PHYHD1: variants seen among roughly 807,000 people sequenced by gnomAD.
The protein encoded by PHYHD1 is phytanoyl-CoA dioxygenase domain containing 1, also known as phytanoyl-CoA dioxygenase domain-containing protein 1.
PHYHD1 carries 42 observed loss-of-function variants against 43.6 expected under a neutral mutation model. That is an observed-to-expected ratio of 0.96 (90% confidence interval 0.75 to 1.25). PHYHD1 has a LOEUF of 1.25. Among genes scored for constraint, PHYHD1 ranks in the 50% most tolerant of loss-of-function variants. The probability of loss-of-function intolerance (pLI) is 0.00; values close to 1 mark genes in which losing one functional copy is unlikely to be tolerated. For missense variants in PHYHD1, 342 were observed against 370.8 expected, an observed-to-expected ratio of 0.92 and a Z score of 0.64; for synonymous variants, 139 against 143.6, an observed-to-expected ratio of 0.97 and a Z score of 0.23.
chr9:128,932,172 A>ATTTTTTTTT (rs1367583651), intron 4 of PHYHD1, among the ~76,000 whole-genome samples: 6 of 104,196 alleles, frequency 5.8e-5, no homozygotes, highest in East Asian at 2.5e-4. Context: ...TATTATTGTT[A>ATTTTTTTTT]TTATTATTAT....
In PHYHD1 at chr9:128,922,256, G is replaced by C. The variant is rs929886765; in HGVS notation, c.-41-27G>C. ...GTAGGGAAGGGTTAAGTCCTCCCAG[G>C]CTCCTAAACTTTCTCCTCCCCACCA... On this transcript the variant is annotated intron_variant, in intron 2 of 12. Transcript: ENST00000372592. 68 of 1,542,336 alleles carry C rather than the reference G, an allele frequency of 4.4e-5. No individual in the cohort carries two copies. In the East Asian group the frequency reaches 1.6e-3, roughly 36 times the overall value.
chr9:128,933,735 C>G (rs1841355267), intron 4 of PHYHD1, 47 bp from the exon 5 acceptor site: 1 of 1,588,894 alleles, frequency 6.3e-7, no homozygotes, highest in African/African-American at 1.3e-5. Flanking sequence ...AGGCCCAGCT[C>G]TGACCCCAGG....
At chr9:128,932,069 G>A (rs1367245635) in intron 4 of PHYHD1, among the ~76,000 whole-genome samples, 5 of 149,848 alleles carry the variant, frequency 3.3e-5, no homozygotes, top group Admixed American at 1.3e-4. Flanking sequence ...TCCTGACCTC[G>A]GGTGATCTGC....
chr9:128,925,701 A>G (rs1380218351), intron 3 of PHYHD1, among the ~76,000 whole-genome samples: 1 of 151,958 alleles, frequency 6.6e-6, no homozygotes, highest in Non-Finnish European at 1.5e-5. Context: ...CTCAGGATAG[A>G]ATATAGCTCC....
At chr9:128,935,230 T>C (rs576449427) in intron 6 of PHYHD1, among the ~76,000 whole-genome samples, 2 of 152,302 alleles carry the variant, frequency 1.3e-5, no homozygotes, top group South Asian at 4.1e-4. Flanking sequence ...GCTGGGATTA[T>C]AGGCATAAGC....
intron 3 of PHYHD1, among the ~76,000 whole-genome samples, chr9:128,923,201 C>A (rs990664295): frequency 6.6e-5 from 10 of 152,174 alleles, no homozygotes; most frequent in Admixed American, 6.5e-4. Context: ...GCCTTGGCCT[C>A]CCAAAGTGCT....
intron 4 of PHYHD1, 71 bp from the exon 5 acceptor site, chr9:128,933,711 C>T (rs1419652197): frequency 2.6e-6 from 4 of 1,513,224 alleles, no homozygotes; most frequent in Middle Eastern, 3.7e-4. Flanking sequence ...TCTGAATCCG[C>T]CTCCCTCTTT....
In PHYHD1 at chr9:128,927,290, G is replaced by A. The variant is rs545247774; in HGVS notation, c.192+94G>A. ...GCATCGTGGAAGGGAGGATCCCAAG[G>A]CTCCAGGGTGTCAGGCCAAGCCCCT... On this transcript the variant is annotated intron_variant, in intron 4 of 12. Coordinates refer to ENST00000372592, the MANE Select transcript of PHYHD1 (RefSeq NM_001100876.2). 1.3e-5 allele frequency: 20 copies of A among 1,513,860 alleles called. No homozygotes were observed. In the South Asian group the frequency reaches 2.2e-4, roughly 17 times the overall value. 93.8% of individuals were successfully genotyped at this position (1,513,860 alleles called of 1,614,324 possible). A position where few individuals can be genotyped will look rare whatever the true frequency, so the allele number is the denominator to read the frequency against.
chr9:128,922,511 C>T (rs1406941354), intron 3 of PHYHD1, among the ~76,000 whole-genome samples, 155 bp downstream of exon 3: 10 of 152,310 alleles, frequency 6.6e-5, no homozygotes, highest in Middle Eastern at 3.4e-3. Flanking sequence ...CCCCTCCTGA[C>T]TTCTTCACAC....
chr9:128,923,938 C>T (rs574392343), intron 3 of PHYHD1, among the ~76,000 whole-genome samples: 3 of 151,670 alleles, frequency 2.0e-5, no homozygotes, highest in East Asian at 1.9e-4. Flanking sequence ...GCCAACATGG[C>T]GGAACCCTGT....
intron 9 of PHYHD1, 73 bp from the exon 10 acceptor site, chr9:128,940,296 A>AT: frequency 3.8e-6 from 6 of 1,589,354 alleles, no homozygotes; most frequent in Non-Finnish European, 5.2e-6. Context: ...GGACTGAGGA[A>AT]TAGGTAATGA....
rs2131090186 is a variant in PHYHD1 at position 128,921,685 on chromosome 9, A to G, written c.-160+17A>G. The G allele has an allele frequency of 6.6e-6, 1 of 152,400 alleles. No individual in the cohort carries two copies. Among genetic ancestry groups the G allele is most frequent in the African/African-American group, 2.4e-5 (1 of 41,568 alleles). The allele number at this position is 152,400 out of a possible 1,614,324, so 9.4% of individuals were successfully genotyped here. ...GGCCTGAGGGTGGGTAACAGGAAGC[A>G]TCTCTCTCTCCTCAGCCCCTTCCTC... On this transcript the variant is annotated intron_variant, in intron 1 of 12. Coordinates refer to ENST00000372592, the MANE Select transcript of PHYHD1 (RefSeq NM_001100876.2).
At chr9:128,934,252 A>C (rs1841369257) in intron 6 of PHYHD1, among the ~76,000 whole-genome samples, 194 bp downstream of exon 6, 2 of 152,024 alleles carry the variant, frequency 1.3e-5, no homozygotes, top group African/African-American at 4.8e-5. Flanking sequence ...AGGTGAGTGT[A>C]GTGGTGCACA....
intron 3 of PHYHD1, among the ~76,000 whole-genome samples, chr9:128,922,636 G>A (rs1205002769): frequency 6.6e-6 from 1 of 152,252 alleles, no homozygotes. Context: ...CTGGGCGGGA[G>A]TCGGCAACGC....
rs778925014 is a variant in PHYHD1, at chr9:128,941,583, G to T, written c.830+12G>T. 4 of 1,614,152 alleles carry T rather than the reference G, an allele frequency of 2.5e-6. No individual in the cohort carries two copies. The South Asian group carries it at 4.4e-5, about 18-fold the overall frequency. On this transcript the variant is annotated intron_variant, in intron 12 of 12. Transcript: ENST00000372592. ...AGCCCGGAGAACTGGTAGGTGACAG[G>T]GTGGGTGTGTGTGCCCGACAGTCCC...
chr9:128,927,253 C>A, intron 4 of PHYHD1, 57 bp downstream of exon 4: 1 of 1,599,504 alleles, frequency 6.3e-7, no homozygotes, highest in East Asian at 2.2e-5. Flanking sequence ...GGCTTGGTCC[C>A]CGGCCAGAGC....
At chr9:128,931,097 T>C (rs1054048120) in intron 4 of PHYHD1, among the ~76,000 whole-genome samples, 2 of 152,140 alleles carry the variant, frequency 1.3e-5, no homozygotes, top group Non-Finnish European at 2.9e-5. Context: ...TCCAGACCAC[T>C]GCAATAGAGC....
Position 128,932,184 on chromosome 9 carries a change from A to ATT in PHYHD1, c.193-1587_193-1586dup, listed in dbSNP as rs1258300033. Among the ~76,000 whole-genome samples the ATT allele has an allele frequency of 5.5e-4, 60 of 108,664 alleles. 1 individual carries two copies. Among genetic ancestry groups the ATT allele is most frequent in the Admixed American group, 4.6e-3 (42 of 9,230 alleles). 71.3% of individuals were successfully genotyped at this position (108,664 alleles called of 152,430 possible). Reference sequence around the variant, plus strand: ...TATTATTATTGTTATTATTATTATTATTTTTTTTTTTTGAGATGGAGTCTC... The same window carrying ATT: ...TATTATTATTGTTATTATTATTATTATTTTTTTTTTTTTTGAGATGGAGTCTC... On this transcript the variant is annotated intron_variant, in intron 4 of 12. Transcript: ENST00000372592.
intron 3 of PHYHD1, among the ~76,000 whole-genome samples, chr9:128,925,584 T>C (rs1001887705): frequency 1.3e-5 from 2 of 152,048 alleles, no homozygotes; most frequent in Non-Finnish European, 2.9e-5. Flanking sequence ...TGCAGGCAAA[T>C]GTGCAGATAT....
Sources: gnomAD v4.1 joint callset for allele counts (sites outside exome capture counted in the v4.1 genomes callset) on GRCh38, gnomAD v4.1.1 for gene constraint, MANE v1.5 for transcripts, NCBI Gene and HGNC (gene_info 2026-07-23, HGNC 2026-07-21) for gene names.